ICE2: variants seen among roughly 807,000 people sequenced by gnomAD.
The protein encoded by ICE2 is little elongation complex subunit 2.
ICE2 carries 87 observed loss-of-function variants against 105.4 expected under a neutral mutation model. That is an observed-to-expected ratio of 0.83 (90% confidence interval 0.69 to 0.99). The LOEUF is 0.99. Ranked by LOEUF, ICE2 falls within the 50% of genes least tolerant of loss-of-function variation. The pLI, the probability that ICE2 is intolerant of heterozygous loss-of-function variation, is 0.00. For synonymous variants in ICE2, 399 were observed against 392.0 expected (o/e 1.02, Z -0.21); for missense variants, 1,323 against 1,146.7 (o/e 1.15, Z -2.22).
intron 5 of ICE2, among the ~76,000 whole-genome samples, chr15:60,464,531 G>A (rs767391046): frequency 1.3e-5 from 2 of 152,156 alleles, no homozygotes; most frequent in African/African-American, 4.8e-5. Context: ...ACTACTACAC[G>A]CAGAAATCCG....
chr15:60,476,144 A>G lies in ICE2; in HGVS notation c.65T>C (p.Leu22Pro). 6.2e-7 allele frequency: 1 copy of G among 1,602,262 alleles called. No individual in the cohort carries two copies. Among genetic ancestry groups the G allele is most frequent in the South Asian group, 1.1e-5 (1 of 88,688 alleles). ...LNWDISPKNG[L>P]KTFFSRENYK... Reference sequence around the variant, plus strand: ...ATTTTCTCGAGAGAAAAATGTCTTAAGGCCATTTTTGGGGGAAATATCCCT... The same window carrying G: ...ATTTTCTCGAGAGAAAAATGTCTTAGGGCCATTTTTGGGGGAAATATCCCT... Residue 22 changes from leucine (L) to proline (P), a missense_variant, in exon 3 of 16, where the codon CTT becomes CCT. Leu to Pro is a moderately conservative substitution (Grantham distance 98, BLOSUM62 -3). Coordinates refer to ENST00000261520, the MANE Select transcript of ICE2 (RefSeq NM_024611.6).
chr15:60,445,992 G>C (rs1005112091), intron 11 of ICE2, among the ~76,000 whole-genome samples: 2 of 152,150 alleles, frequency 1.3e-5, no homozygotes, highest in Admixed American at 6.5e-5. Flanking sequence ...GATGAGGCAG[G>C]AAAAATTAGC....
Position 60,476,078 on chromosome 15 carries a change from C to G in ICE2, c.131G>C (p.Arg44Pro). 1 of 1,594,202 alleles carries G rather than the reference C, an allele frequency of 6.3e-7. No homozygotes were observed. Among genetic ancestry groups the G allele is most frequent in the Middle Eastern group, 1.7e-4 (1 of 5,970 alleles). ...AACATATTACCTGTTGGATAAAACACGTAGTTCTTTTAAACTTGGAGCCAT... is the reference window on the plus strand; with the variant it reads ...AACATATTACCTGTTGGATAAAACAGGTAGTTCTTTTAAACTTGGAGCCAT... ...HSMAPSLKEL[R>P]VLSNRRIGEN... is the part of the protein sequence containing the mutation. Residue 44 changes from arginine to proline, a missense_variant, in exon 3 of 16, where the codon CGT becomes CCT. By Grantham distance (103) the Arg-to-Pro change is moderately radical. Coordinates refer to ENST00000261520, the MANE Select transcript of ICE2 (RefSeq NM_024611.6).
intron 14 of ICE2, among the ~76,000 whole-genome samples, chr15:60,429,028 C>T (rs77253598): frequency 0.025 from 3,744 of 152,150 alleles, 132 homozygotes; most frequent in African/African-American, 0.08. Flanking sequence ...AAAAGCATTC[C>T]TACAGCATTT....
At chr15:60,461,108 T>TG (rs895186689) in intron 5 of ICE2, among the ~76,000 whole-genome samples, 12 of 61,860 alleles carry the variant, frequency 1.9e-4, no homozygotes, top group East Asian at 4.4e-4. Context: ...ATGGGTGGGG[T>TG]GGGGGGGCGA....
In ICE2 at chr15:60,448,980, C is replaced by T; in HGVS notation, c.1987G>A (p.Val663Ile). 1 of 1,614,012 alleles carries T rather than the reference C, an allele frequency of 6.2e-7. No individual in the cohort carries two copies. Among genetic ancestry groups the T allele is most frequent in the African/African-American group, 1.3e-5 (1 of 75,026 alleles). The change falls in exon 10 of 16, where the codon GTA (valine) becomes ATA (isoleucine). Residue 663 changes from valine to isoleucine, a missense_variant. Transcript: ENST00000261520. ...DELLKPISRK[V>I]PELPLMNLEN... Reference sequence around the variant, plus strand: ...AAATTCATTAAGGGCAATTCTGGTACTTTTCTGGAAATTGGCTTTAAGAGC... The same window carrying T: ...AAATTCATTAAGGGCAATTCTGGTATTTTTCTGGAAATTGGCTTTAAGAGC...
intron 5 of ICE2, among the ~76,000 whole-genome samples, chr15:60,465,854 C>T (rs35663835): frequency 0.1 from 15,656 of 150,770 alleles, 943 homozygotes; most frequent in Middle Eastern, 0.21. Flanking sequence ...CGGGTTCAAG[C>T]GATTCTCCTG....
At chr15:60,428,399 A>T in intron 15 of ICE2, 30 bp downstream of exon 15, 2 of 1,601,792 alleles carry the variant, frequency 1.2e-6, no homozygotes, top group Non-Finnish European at 1.7e-6. Flanking sequence ...AAACAACCTA[A>T]TGAACCTTTA....
chr15:60,451,173 G>A (rs1258630908), intron 9 of ICE2: 1 of 694,870 alleles, frequency 1.4e-6, no homozygotes, highest in African/African-American at 1.9e-5. Context: ...CTAAGTCAAT[G>A]AGATACTGTC....
intron 5 of ICE2, among the ~76,000 whole-genome samples, chr15:60,466,097 T>C (rs1006294747): frequency 6.6e-6 from 1 of 152,138 alleles, no homozygotes; most frequent in Non-Finnish European, 1.5e-5. Context: ...CAATGAATGA[T>C]GGTAGGGTAC....
In ICE2 at chr15:60,421,762, G is replaced by A. The variant is rs1029279204; in HGVS notation, c.*1872C>T. 12 of 152,102 alleles carry A rather than the reference G, an allele frequency of 7.9e-5. No homozygotes were observed. The highest frequency in any genetic ancestry group is 2.9e-4 in the African/African-American group (12 of 41,398). The allele number at this position is 152,102 out of a possible 1,614,324, so 9.4% of individuals were successfully genotyped here. On this transcript the variant is annotated 3_prime_UTR_variant, in exon 16 of 16. Coordinates refer to ENST00000261520, the MANE Select transcript of ICE2 (RefSeq NM_024611.6). ...CACAACCAAAACATTTCTGGGATAT[G>A]TGACTTAAGGAATAAAAAAACTCAG...
chr15:60,466,798 G>A, intron 4 of ICE2, 85 bp from the exon 5 acceptor site: 4 of 1,139,576 alleles, frequency 3.5e-6, no homozygotes, highest in South Asian at 1.5e-5. Flanking sequence ...ATAATAATTT[G>A]GACTTAAAGA....
At chr15:60,448,575 T>A (rs185202203) in intron 10 of ICE2, among the ~76,000 whole-genome samples, 1 of 152,326 alleles carries the variant, frequency 6.6e-6, no homozygotes, top group African/African-American at 2.4e-5. Context: ...GCACTTACCC[T>A]TCACCAATTT....
intron 15 of ICE2, 21 bp from the exon 16 acceptor site, chr15:60,423,783 C>A: frequency 6.4e-7 from 1 of 1,559,160 alleles, no homozygotes; most frequent in Non-Finnish European, 8.6e-7. Flanking sequence ...AAGCAGAGAA[C>A]AGAATAGCTT....
In ICE2 at chr15:60,442,878, T is replaced by G. The variant is rs548353334; in HGVS notation, c.2296-333A>C. ...TCCTTGCAACAAAGCCTATCATACATAGTTGCCCAAAGGCTCAAAGCCAGA... is the reference window on the plus strand; with the variant it reads ...TCCTTGCAACAAAGCCTATCATACAGAGTTGCCCAAAGGCTCAAAGCCAGA... On this transcript the variant is annotated intron_variant, in intron 11 of 15. Coordinates refer to ENST00000261520, the MANE Select transcript of ICE2 (RefSeq NM_024611.6). 1.2e-4 allele frequency: 20 copies of G among 168,798 alleles called. 1 individual carries two copies. The highest frequency in any genetic ancestry group is 4.5e-4 in the African/African-American group (19 of 42,264). The allele number at this position is 168,798 out of a possible 1,614,324, so 10.5% of individuals were successfully genotyped here.
chr15:60,451,021 A>C (rs1470157289), intron 9 of ICE2: 4 of 268,712 alleles, frequency 1.5e-5, no homozygotes, highest in Non-Finnish European at 2.3e-5. Flanking sequence ...GACAAAGCAG[A>C]ATTCAAAGCA....
Position 60,448,919 on chromosome 15 carries a change from A to G in ICE2, c.2048T>C (p.Leu683Ser). The G allele has an allele frequency of 6.2e-7, 1 of 1,613,788 alleles. No homozygotes were observed. The highest frequency in any genetic ancestry group is 1.1e-5 in the South Asian group (1 of 90,978). ...ACTAGAGGAGTCTGAAGGACCAGACAATTGCTCAGAAACAGAAGGCTGTTT... is the reference window on the plus strand; with the variant it reads ...ACTAGAGGAGTCTGAAGGACCAGACGATTGCTCAGAAACAGAAGGCTGTTT... ...NSKQPSVSEQ[L>S]SGPSDSSSWP... is the part of the protein sequence containing the mutation. The change falls in exon 10 of 16, where the codon TTG (leucine) becomes TCG (serine). Residue 683 changes from leucine to serine, a missense_variant. Coordinates refer to ENST00000261520, the MANE Select transcript of ICE2 (RefSeq NM_024611.6).
In ICE2 at chr15:60,423,120, G is replaced by A. The variant is rs2063263613; in HGVS notation, c.*514C>T. Reference sequence around the variant, plus strand: ...GGCTTCTGTAATGGAATTTCACCAAGTTTTTAAAGGTATTAACTTTATTAA... The same window carrying A: ...GGCTTCTGTAATGGAATTTCACCAAATTTTTAAAGGTATTAACTTTATTAA... On this transcript the variant is annotated 3_prime_UTR_variant, in exon 16 of 16. Transcript: ENST00000261520. 6.6e-6 allele frequency: 1 copy of A among 152,522 alleles called. No homozygotes were observed. The highest frequency in any genetic ancestry group is 1.5e-5 in the Non-Finnish European group (1 of 68,018). The allele number at this position is 152,522 out of a possible 1,614,324, so 9.4% of individuals were successfully genotyped here. A position where few individuals can be genotyped will look rare whatever the true frequency, so the allele number is the denominator to read the frequency against.
At position 60,421,800 on chromosome 15, in the gene ICE2, G is replaced by T. The variant is rs2063244258; in HGVS notation, c.*1834C>A. The T allele has an allele frequency of 6.6e-6, 1 of 152,098 alleles. No individual in the cohort carries two copies. The highest frequency in any genetic ancestry group is 1.5e-5 in the Non-Finnish European group (1 of 68,012). The allele number at this position is 152,098 out of a possible 1,614,324, so 9.4% of individuals were successfully genotyped here. ...TAAAAAAACTCAGTGTTTTATAAAA[G>T]GGAATGGCAGGATGAGGAAATGATT... is the stretch of plus-strand genomic sequence containing the variant. On this transcript the variant is annotated 3_prime_UTR_variant, in exon 16 of 16. Coordinates refer to ENST00000261520, the MANE Select transcript of ICE2 (RefSeq NM_024611.6).
Sources: gnomAD v4.1 joint callset for allele counts (sites outside exome capture counted in the v4.1 genomes callset) on GRCh38, gnomAD v4.1.1 for gene constraint, MANE v1.5 for transcripts, NCBI Gene and HGNC (gene_info 2026-07-23, HGNC 2026-07-21) for gene names.